Variants in MYO16 observed in about 807,000 individuals in gnomAD.
The protein encoded by MYO16 is unconventional myosin-XVI.
MYO16 carries 94 observed loss-of-function variants against 205.3 expected under a neutral mutation model. The observed-to-expected ratio is 0.46, with a 90% CI of 0.39 to 0.54. The LOEUF is 0.54. Ranked by LOEUF, MYO16 falls within the 20% of genes least tolerant of loss-of-function variation. The pLI, the probability that MYO16 is intolerant of heterozygous loss-of-function variation, is 0.00. For missense variants in MYO16, 2,315 were observed against 2,387.5 expected, an observed-to-expected ratio of 0.97 and a Z score of 0.63; for synonymous variants, 988 against 954.0, an observed-to-expected ratio of 1.04 and a Z score of -0.66.
At chr13:108,705,254 A>C (rs1338370117) in intron 2 of MYO16, among the ~76,000 whole-genome samples, 2 of 152,214 alleles carry the variant, frequency 1.3e-5, no homozygotes, top group Non-Finnish European at 2.9e-5. Flanking sequence ...GTTAATCATC[A>C]ACATCGTCTG....
At chr13:108,696,125 C>T (rs2139507109) in intron 2 of MYO16, among the ~76,000 whole-genome samples, 1 of 152,264 alleles carries the variant, frequency 6.6e-6, no homozygotes, top group African/African-American at 2.4e-5. Flanking sequence ...CTGAAATTCT[C>T]TTGTATTGCT....
intron 1 of MYO16, among the ~76,000 whole-genome samples, chr13:108,640,339 T>A (rs182796364): frequency 3.3e-5 from 5 of 152,016 alleles, no homozygotes; most frequent in Non-Finnish European, 5.9e-5. Flanking sequence ...AGGCCATTAG[T>A]GATGTAGACG....
At chr13:109,027,872 A>G (rs1288341150) in intron 23 of MYO16, among the ~76,000 whole-genome samples, 2 of 152,148 alleles carry the variant, frequency 1.3e-5, no homozygotes, top group African/African-American at 2.4e-5. Context: ...AAGACCAGAA[A>G]ATATTGCAGG....
intron 2 of MYO16, among the ~76,000 whole-genome samples, chr13:108,669,722 A>C (rs995132186): frequency 1.3e-5 from 2 of 152,130 alleles, no homozygotes; most frequent in African/African-American, 4.8e-5. Flanking sequence ...GTACATATAC[A>C]CCATGGAATA....
intron 1 of MYO16, among the ~76,000 whole-genome samples, chr13:108,652,799 A>G (rs1881070037): frequency 6.6e-6 from 1 of 152,200 alleles, no homozygotes; most frequent in Non-Finnish European, 1.5e-5. Flanking sequence ...CCATTCATCT[A>G]TGGACATCTG....
intron 16 of MYO16, among the ~76,000 whole-genome samples, chr13:108,929,028 T>C (rs1361393781): frequency 6.6e-6 from 1 of 152,160 alleles, no homozygotes; most frequent in Non-Finnish European, 1.5e-5. Flanking sequence ...TAATTGGTAA[T>C]GAAAACAAAA....
intron 20 of MYO16, among the ~76,000 whole-genome samples, chr13:108,969,491 T>C (rs1037904685): frequency 1.3e-5 from 2 of 152,092 alleles, no homozygotes; most frequent in African/African-American, 4.8e-5. Flanking sequence ...TCCATTCCAC[T>C]CTCTTCACTG....
At chr13:109,001,194 A>G (rs1444944034) in intron 21 of MYO16, among the ~76,000 whole-genome samples, 4 of 151,084 alleles carry the variant, frequency 2.6e-5, no homozygotes, top group East Asian at 1.9e-4. Flanking sequence ...AAAAAAAAAA[A>G]GAAAAGGAAG....
intron 11 of MYO16, among the ~76,000 whole-genome samples, chr13:108,857,764 A>C (rs1878257692): frequency 6.6e-6 from 1 of 152,210 alleles, no homozygotes; most frequent in African/African-American, 2.4e-5. Flanking sequence ...TTAAACAGCA[A>C]ATACTTCCTA....
intron 21 of MYO16, among the ~76,000 whole-genome samples, chr13:109,003,079 A>G (rs1594460871): frequency 1.3e-5 from 2 of 152,196 alleles, no homozygotes; most frequent in East Asian, 3.9e-4. Flanking sequence ...AAACATTTTA[A>G]TGGACACATT....
rs774830275 is a variant in MYO16, at chr13:109,032,804, A to G, written c.2796+12893A>G. Reference sequence around the variant, plus strand: ...TGTTAGAGGAACTTTAACTTTTAGCACTTTAACTACATGGAAATGTAGATT... The same window carrying G: ...TGTTAGAGGAACTTTAACTTTTAGCGCTTTAACTACATGGAAATGTAGATT... On this transcript the variant is annotated intron_variant, in intron 23 of 34. Coordinates refer to ENST00000457511, the MANE Select transcript of MYO16 (RefSeq NM_001198950.3). Among the ~76,000 whole-genome samples, 74 of 152,160 alleles carry G rather than the reference A, an allele frequency of 4.9e-4. 1 individual carries two copies. The highest frequency in any genetic ancestry group is 9.0e-4 in the Non-Finnish European group (61 of 68,028).
chr13:108,981,213 T>C (rs1014377713), intron 20 of MYO16, among the ~76,000 whole-genome samples: 1 of 152,240 alleles, frequency 6.6e-6, no homozygotes, highest in Admixed American at 6.5e-5. Context: ...CCTTTCTCTC[T>C]GGATCTCCAG....
chr13:108,909,634 T>C (rs1458988573), intron 15 of MYO16, among the ~76,000 whole-genome samples: 2 of 151,674 alleles, frequency 1.3e-5, no homozygotes, highest in Non-Finnish European at 2.9e-5. Flanking sequence ...TTTTGAACAG[T>C]GTAAGTTAAT....
chr13:109,149,951 A>G (rs1877561981), intron 32 of MYO16, among the ~76,000 whole-genome samples: 1 of 152,186 alleles, frequency 6.6e-6, no homozygotes, highest in Non-Finnish European at 1.5e-5. Context: ...AATTGTACTC[A>G]CTTGCAGAGT....
At chr13:108,623,813 C>A (rs1416677522) in intron 1 of MYO16, among the ~76,000 whole-genome samples, 2 of 152,038 alleles carry the variant, frequency 1.3e-5, no homozygotes, top group African/African-American at 4.8e-5. Flanking sequence ...GAGTTACCTA[C>A]CTAGGAAGAG....
At chr13:108,553,679 C>T in the MYO16 span, among the ~76,000 whole-genome samples, 1 of 152,288 alleles carries the variant, frequency 6.6e-6, no homozygotes, top group Non-Finnish European at 1.5e-5. Context: ...ATGTTGACAA[C>T]AAATAGTATA....
rs574503197 is a variant in MYO16, at chr13:109,095,255, C to A, written c.3336-5530C>A. ...AGGTGTCTTCAGTGGATTGAGGCGA[C>A]CTGTGTGTCTTGGATGACAGACGCT... On this transcript the variant is annotated intron_variant, in intron 27 of 34. Coordinates refer to ENST00000457511, the MANE Select transcript of MYO16 (RefSeq NM_001198950.3). Among the ~76,000 whole-genome samples, 60 of 152,282 alleles carry A rather than the reference C, an allele frequency of 3.9e-4. 1 individual carries two copies. The highest frequency in any genetic ancestry group is 3.7e-3 in the Admixed American group (56 of 15,296).
intron 2 of MYO16, among the ~76,000 whole-genome samples, chr13:108,695,048 G>A (rs1263309108): frequency 6.6e-6 from 1 of 152,196 alleles, no homozygotes; most frequent in African/African-American, 2.4e-5. Context: ...GGAGGCAGAG[G>A]TTGCAGTGAG....
chr13:108,525,307 C>A, the MYO16 span, among the ~76,000 whole-genome samples: 9 of 152,094 alleles, frequency 5.9e-5, no homozygotes, highest in African/African-American at 2.2e-4. Flanking sequence ...TTTAGCTCTC[C>A]CCAGTTTGAA....
Sources: allele counts gnomAD v4.1 joint callset (sites outside exome capture counted in the v4.1 genomes callset), GRCh38; gene constraint gnomAD v4.1.1; transcripts MANE v1.5; gene names NCBI Gene and HGNC (gene_info 2026-07-23, HGNC 2026-07-21).